OSBPL8: variants seen among roughly 807,000 people sequenced by gnomAD.
OSBPL8 encodes oxysterol binding protein like 8.
In OSBPL8, 59 loss-of-function variants were observed where a neutral mutation model predicts 125.5. The ratio of observed to expected loss-of-function variants is 0.47; its 90% CI spans 0.38 to 0.58. The LOEUF is 0.58. OSBPL8 is among the 20% of genes least tolerant of loss of function. The pLI, the probability that OSBPL8 is intolerant of heterozygous loss-of-function variation, is 0.00. For synonymous variants in OSBPL8, 330 were observed against 338.9 expected, an observed-to-expected ratio of 0.97 and a Z score of 0.29; for missense variants, 758 against 1,047.8, an observed-to-expected ratio of 0.72 and a Z score of 3.82.
At chr12:76,428,030 T>C (rs992142848) in intron 4 of OSBPL8, among the ~76,000 whole-genome samples, 8 of 152,096 alleles carry the variant, frequency 5.3e-5, no homozygotes, top group African/African-American at 1.9e-4. Context: ...ATATAAAATG[T>C]ATTTCTTACA....
chr12:76,407,221 A>G (rs75333555), intron 5 of OSBPL8, among the ~76,000 whole-genome samples: 10,541 of 152,236 alleles, frequency 0.069, 502 homozygotes, highest in Middle Eastern at 0.15. Flanking sequence ...GTTCTGAAAA[A>G]CAAGAGAGTT....
At chr12:76,492,630 T>C (rs1000716523) in intron 1 of OSBPL8, among the ~76,000 whole-genome samples, 3 of 152,180 alleles carry the variant, frequency 2.0e-5, no homozygotes, top group Admixed American at 6.5e-5. Flanking sequence ...TGAACACTAT[T>C]GTGAACTGTG....
chr12:76,534,890 C>A (rs966930139), intron 1 of OSBPL8, among the ~76,000 whole-genome samples: 2 of 152,008 alleles, frequency 1.3e-5, no homozygotes, highest in Admixed American at 6.5e-5. Flanking sequence ...GCCAAGGAAA[C>A]CCACTGGGAA....
intron 4 of OSBPL8, among the ~76,000 whole-genome samples, chr12:76,412,325 C>T (rs570824957): frequency 3.9e-5 from 6 of 152,168 alleles, no homozygotes; most frequent in East Asian, 3.9e-4. Flanking sequence ...AATACTGACT[C>T]GGAGGGGTGT....
In OSBPL8 at chr12:76,531,034, C is replaced by G. The variant is rs749435961; in HGVS notation, c.-68+28363G>C. Among the ~76,000 whole-genome samples, 191 of 152,056 alleles carry G rather than the reference C, an allele frequency of 1.3e-3. 1 individual carries two copies. Among genetic ancestry groups the G allele is most frequent in the Non-Finnish European group, 4.9e-4 (33 of 68,006 alleles). Reference sequence around the variant, plus strand: ...TCTCACACTGCTATAAACAACTGCCCGAGACTGGGTGATTTATAAAAAGAG... The same window carrying G: ...TCTCACACTGCTATAAACAACTGCCGGAGACTGGGTGATTTATAAAAAGAG... On this transcript the variant is annotated intron_variant, in intron 1 of 23. Transcript: ENST00000261183.
At chr12:76,502,523 T>C (rs1457600957) in intron 1 of OSBPL8, among the ~76,000 whole-genome samples, 5 of 152,208 alleles carry the variant, frequency 3.3e-5, no homozygotes, top group South Asian at 2.1e-4. Context: ...TACTCTACAA[T>C]AGAGGTATGG....
intron 1 of OSBPL8, among the ~76,000 whole-genome samples, chr12:76,521,553 T>TTCACTG (rs1445027654): frequency 6.6e-6 from 1 of 152,030 alleles, no homozygotes; most frequent in Non-Finnish European, 1.5e-5. Flanking sequence ...AAACAACCCA[T>TTCACTG]CAACAAATGA....
rs1953315948 is a variant in OSBPL8 at position 76,386,406 on chromosome 12, T to C, written c.1435-140A>G. ...CAAAGTAAATAAAATTTACATTAAA[T>C]AAAATTAAATGACTTCAATCATAAT... On this transcript the variant is annotated intron_variant, in intron 13 of 23. Transcript: ENST00000261183. The C allele has an allele frequency of 3.0e-6, 4 of 1,344,124 alleles. No individual in the cohort carries two copies. In the South Asian group the frequency reaches 6.9e-5, roughly 23 times the overall value. 83.3% of individuals were successfully genotyped at this position (1,344,124 alleles called of 1,614,324 possible).
intron 18 of OSBPL8, 104 bp downstream of exon 18, chr12:76,373,240 T>C (rs899961439): frequency 7.4e-6 from 5 of 671,994 alleles, no homozygotes; most frequent in African/African-American, 1.8e-5. Flanking sequence ...TTATGTTAAA[T>C]AGTGATGTTT....
intron 21 of OSBPL8, among the ~76,000 whole-genome samples, chr12:76,362,902 G>C (rs1043323192): frequency 6.6e-6 from 1 of 152,140 alleles, no homozygotes; most frequent in African/African-American, 2.4e-5. Flanking sequence ...TAGACAGAGA[G>C]CCAAATCATG....
rs563981042 is a variant in OSBPL8, at chr12:76,480,116, G to A, written c.42+7394C>T. ...CAGGAGGCAGAGGTTGCAGTGAGCC[G>A]AGATCGCACCATTGCACTCCAGCCT... On this transcript the variant is annotated intron_variant, in intron 2 of 23. Coordinates refer to ENST00000261183, the MANE Select transcript of OSBPL8 (RefSeq NM_020841.5). Among the ~76,000 whole-genome samples the A allele has an allele frequency of 2.4e-4, 31 of 131,670 alleles. 1 individual carries two copies. In the South Asian group the frequency reaches 6.1e-3, roughly 26 times the overall value. The allele number at this position is 131,670 out of a possible 152,430, so 86.4% of individuals were successfully genotyped here. A position where few individuals can be genotyped will look rare whatever the true frequency, so the allele number is the denominator to read the frequency against.
intron 2 of OSBPL8, among the ~76,000 whole-genome samples, chr12:76,484,313 C>T (rs999640720): frequency 2.0e-5 from 3 of 152,208 alleles, no homozygotes; most frequent in Non-Finnish European, 2.9e-5. Context: ...TCCCTACGTT[C>T]ATGTGCAATT....
chr12:76,445,699 A>G (rs1001085887), intron 4 of OSBPL8, among the ~76,000 whole-genome samples: 1 of 152,136 alleles, frequency 6.6e-6, no homozygotes, highest in African/African-American at 2.4e-5. Context: ...GACTAAAATA[A>G]AAAAGATCAA....
At chr12:76,446,458 C>T (rs888179422) in intron 4 of OSBPL8, among the ~76,000 whole-genome samples, 2 of 152,174 alleles carry the variant, frequency 1.3e-5, no homozygotes, top group East Asian at 1.9e-4. Context: ...ATGTAATTTA[C>T]TCTAAAAATA....
rs75232403 is a variant in OSBPL8, at chr12:76,442,007, T to A, written c.217+8844A>T. On this transcript the variant is annotated intron_variant, in intron 4 of 23. Coordinates refer to ENST00000261183, the MANE Select transcript of OSBPL8 (RefSeq NM_020841.5). ...ACATAACATATTTTCCATGATGTGA[T>A]TATTAGGCATTGCATGCTCGTATAA... 2.0e-3 allele frequency among the ~76,000 whole-genome samples: 298 copies of A among 152,302 alleles called. 9 individuals are homozygous for A. In the East Asian group the frequency reaches 0.053, roughly 27 times the overall value.
intron 4 of OSBPL8, among the ~76,000 whole-genome samples, chr12:76,411,481 T>TA (rs1289865412): frequency 1.3e-5 from 2 of 152,038 alleles, no homozygotes; most frequent in Non-Finnish European, 2.9e-5. Flanking sequence ...GCAGCATTTT[T>TA]AAAAAAGTCA....
intron 2 of OSBPL8, among the ~76,000 whole-genome samples, chr12:76,471,539 C>T (rs935869940): frequency 6.6e-6 from 1 of 152,194 alleles, no homozygotes; most frequent in Admixed American, 6.5e-5. Context: ...GTTACTGCTA[C>T]TACCTGCCAC....
At chr12:76,362,487 C>T (rs572849935) in intron 21 of OSBPL8, among the ~76,000 whole-genome samples, 24 of 152,300 alleles carry the variant, frequency 1.6e-4, no homozygotes, top group Non-Finnish European at 2.9e-4. Context: ...CAACACCCTT[C>T]ATGCTAAAAA....
chr12:76,373,056 T>C (rs1229630493), intron 18 of OSBPL8, among the ~76,000 whole-genome samples: 2 of 152,328 alleles, frequency 1.3e-5, no homozygotes, highest in South Asian at 4.1e-4. Context: ...CATAGCGTTA[T>C]ATGTTATAAA....
Sources: gnomAD v4.1 joint callset for allele counts (sites outside exome capture counted in the v4.1 genomes callset) on GRCh38, gnomAD v4.1.1 for gene constraint, MANE v1.5 for transcripts, NCBI Gene and HGNC (gene_info 2026-07-23, HGNC 2026-07-21) for gene names.